CEP43: variants seen among roughly 807,000 people sequenced by gnomAD.
The protein encoded by CEP43 is centrosomal protein 43, also known as FGFR1 oncogene partner.
CEP43 carries 36 observed loss-of-function variants against 52.6 expected under a neutral mutation model. The observed-to-expected ratio is 0.68, with a 90% CI of 0.52 to 0.90. The LOEUF is 0.90. CEP43 is among the 40% of genes least tolerant of loss of function. The probability of loss-of-function intolerance (pLI) is 0.00; values close to 1 mark genes in which losing one functional copy is unlikely to be tolerated. For missense variants in CEP43, 506 were observed against 472.8 expected (o/e 1.07, Z -0.65); for synonymous variants, 192 against 172.4 (o/e 1.11, Z -0.89).
In CEP43 at chr6:167,048,223, A is replaced by C. The variant is rs1233423664; in HGVS notation, c.*8245A>C. The C allele has an allele frequency of 3.3e-5, 5 of 152,294 alleles. No individual in the cohort carries two copies. The highest frequency in any genetic ancestry group is 7.3e-5 in the Non-Finnish European group (5 of 68,044). 9.4% of individuals were successfully genotyped at this position (152,294 alleles called of 1,614,324 possible). On this transcript the variant is annotated 3_prime_UTR_variant, in exon 13 of 13. Coordinates refer to ENST00000366847, the MANE Select transcript of CEP43 (RefSeq NM_007045.4). Reference sequence around the variant, plus strand: ...GCCTGGGCAACATAGTAAGACCCCTATCTCTACAAAAAATATAAAAATTAG... The same window carrying C: ...GCCTGGGCAACATAGTAAGACCCCTCTCTCTACAAAAAATATAAAAATTAG...
Position 167,005,547 on chromosome 6 carries a change from C to G in CEP43, c.438+1146C>G, listed in dbSNP as rs557092724. Among the ~76,000 whole-genome samples, 4 of 152,190 alleles carry G rather than the reference C, an allele frequency of 2.6e-5. No individual in the cohort carries two copies. In the East Asian group the frequency reaches 5.8e-4, roughly 22 times the overall value. Reference sequence around the variant, plus strand: ...GCTTTCCGAGAAGTTGGAACGGTGCCAGCCAAGCGTGGGAGCAGGAGAGCA... The same window carrying G: ...GCTTTCCGAGAAGTTGGAACGGTGCGAGCCAAGCGTGGGAGCAGGAGAGCA... On this transcript the variant is annotated intron_variant, in intron 5 of 12. Coordinates refer to ENST00000366847, the MANE Select transcript of CEP43 (RefSeq NM_007045.4).
intron 5 of CEP43, 67 bp from the exon 6 acceptor site, chr6:167,010,746 G>A: frequency 1.5e-6 from 1 of 677,942 alleles, no homozygotes; most frequent in Non-Finnish European, 2.3e-6. Flanking sequence ...AAATTCTATT[G>A]GAGTGTAATT....
At chr6:167,034,783 C>T (rs1419465799) in intron 12 of CEP43, among the ~76,000 whole-genome samples, 1 of 152,186 alleles carries the variant, frequency 6.6e-6, no homozygotes, top group Admixed American at 6.5e-5. Flanking sequence ...CTTTGACTCT[C>T]AGTTTCTTTA....
intron 1 of CEP43, 105 bp downstream of exon 1, chr6:166,999,619 C>A: frequency 2.5e-6 from 2 of 812,320 alleles, no homozygotes; most frequent in Non-Finnish European, 3.5e-6. Flanking sequence ...GGCGAGGGAC[C>A]GGGGCCGGCG....
chr6:167,006,640 T>C (rs1365036316), intron 5 of CEP43, among the ~76,000 whole-genome samples: 1 of 152,276 alleles, frequency 6.6e-6, no homozygotes, highest in Non-Finnish European at 1.5e-5. Flanking sequence ...ACATAAGTTA[T>C]ATGCAAATAT....
rs1780776785 is a variant in CEP43, at chr6:167,045,334, C to T, written c.*5356C>T. The T allele has an allele frequency of 6.7e-6, 1 of 150,104 alleles. No individual in the cohort carries two copies. The highest frequency in any genetic ancestry group is 6.6e-5 in the Admixed American group (1 of 15,056). The allele number at this position is 150,104 out of a possible 1,614,324, so 9.3% of individuals were successfully genotyped here. ...GGCCAGGCTGGTCTTGAACTCCTGACCTATGGTGATCCGCACCCCTCCCCG... is the reference window on the plus strand; with the variant it reads ...GGCCAGGCTGGTCTTGAACTCCTGATCTATGGTGATCCGCACCCCTCCCCG... On this transcript the variant is annotated 3_prime_UTR_variant, in exon 13 of 13. Coordinates refer to ENST00000366847, the MANE Select transcript of CEP43 (RefSeq NM_007045.4).
In CEP43 at chr6:167,011,003, A is replaced by G. The variant is rs572576360; in HGVS notation, c.519+110A>G. 3 of 515,498 alleles carry G rather than the reference A, an allele frequency of 5.8e-6. No homozygotes were observed. The South Asian group carries it at 1.7e-4, about 29-fold the overall frequency. 31.9% of individuals were successfully genotyped at this position (515,498 alleles called of 1,614,324 possible). A position where few individuals can be genotyped will look rare whatever the true frequency, so the allele number is the denominator to read the frequency against. Reference sequence around the variant, plus strand: ...AAGTTGTATTGTTTTATATAAACACATGGGCTCTTTAGTTTCTTGAAGGTG... The same window carrying G: ...AAGTTGTATTGTTTTATATAAACACGTGGGCTCTTTAGTTTCTTGAAGGTG... On this transcript the variant is annotated intron_variant, in intron 6 of 12. Coordinates refer to ENST00000366847, the MANE Select transcript of CEP43 (RefSeq NM_007045.4).
intron 8 of CEP43, among the ~76,000 whole-genome samples, chr6:167,024,194 A>G (rs1190973572): frequency 6.6e-6 from 1 of 152,188 alleles, no homozygotes; most frequent in Non-Finnish European, 1.5e-5. Flanking sequence ...CACCTGTGCA[A>G]GCTGTCACCT....
intron 10 of CEP43, among the ~76,000 whole-genome samples, chr6:167,032,400 A>G (rs914765944): frequency 6.6e-6 from 1 of 152,226 alleles, no homozygotes. Context: ...ACCACATTTT[A>G]TAGTCACTTG....
chr6:167,027,627 G>T (rs2128665729), intron 10 of CEP43, among the ~76,000 whole-genome samples: 1 of 152,288 alleles, frequency 6.6e-6, no homozygotes, highest in Middle Eastern at 3.4e-3. Flanking sequence ...AAGAACTTGG[G>T]CTTGGAGTTG....
Position 167,033,955 on chromosome 6 carries a change from T to C in CEP43, c.1109T>C (p.Ile370Thr), listed in dbSNP as rs1780528489. 3 of 1,538,766 alleles carry C rather than the reference T, an allele frequency of 1.9e-6. No homozygotes were observed. In the African/African-American group the frequency reaches 4.1e-5, roughly 21 times the overall value. Reference sequence around the variant, plus strand: ...GACCTTTCTGTGGAAATAGATGACATCAATACCAGTGATAAGGTATGGTGT... The same window carrying C: ...GACCTTTCTGTGGAAATAGATGACACCAATACCAGTGATAAGGTATGGTGT... ...EEDLSVEIDD[I>T]NTSDKLDDLT... Residue 370 changes from isoleucine (I) to threonine (T), a missense_variant, in exon 12 of 13, where the codon ATC (isoleucine) becomes ACC (threonine). By Grantham distance (89) the Ile-to-Thr change is moderately conservative. Transcript: ENST00000366847.
intron 12 of CEP43, 52 bp from the exon 13 acceptor site, chr6:167,039,852 A>G: frequency 6.3e-7 from 1 of 1,596,940 alleles, no homozygotes; most frequent in South Asian, 1.1e-5. Flanking sequence ...AAATAACTTA[A>G]GACTACTCAC....
In CEP43 at chr6:167,022,636, G is replaced by A. The variant is rs1170610982; in HGVS notation, c.806+1G>A. The A allele has an allele frequency of 1.2e-6, 2 of 1,600,672 alleles. No individual in the cohort carries two copies. Among genetic ancestry groups the A allele is most frequent in the Non-Finnish European group, 1.7e-6 (2 of 1,168,320 alleles). On this transcript the variant is annotated splice_donor_variant, in intron 8 of 12. Transcript: ENST00000366847. LOFTEE classifies it high-confidence loss of function. ...CTAAGCCAGAGAAAACTTACGGTTTGTGAGTAAATGGTTTTTGAGCTATGA... is the reference window on the plus strand; with the variant it reads ...CTAAGCCAGAGAAAACTTACGGTTTATGAGTAAATGGTTTTTGAGCTATGA...
intron 12 of CEP43, chr6:167,036,600 CA>C (rs1780590334): frequency 1.0e-6 from 1 of 985,292 alleles, no homozygotes; most frequent in Non-Finnish European, 1.2e-6. Flanking sequence ...TAAAACTTTT[CA>C]AAATCTTACA....
chr6:167,022,714 A>T, intron 8 of CEP43, 79 bp downstream of exon 8: 1 of 927,620 alleles, frequency 1.1e-6, no homozygotes. Context: ...TTAAAAAATA[A>T]TGAACTATGG....
intron 12 of CEP43, chr6:167,035,964 G>T (rs549675056): frequency 2.9e-6 from 2 of 692,374 alleles, no homozygotes; most frequent in African/African-American, 3.9e-5. Flanking sequence ...ATATAGCTCA[G>T]TGCTTAGCAG....
Position 167,042,323 on chromosome 6 carries a change from C to CACTG in CEP43, c.*2345_*2346insACTG. The CACTG allele has an allele frequency of 1.1e-5, 11 of 986,078 alleles. No individual in the cohort carries two copies. The highest frequency in any genetic ancestry group is 1.2e-5 in the Non-Finnish European group (10 of 823,626). 61.1% of individuals were successfully genotyped at this position (986,078 alleles called of 1,614,324 possible). On this transcript the variant is annotated 3_prime_UTR_variant, in exon 13 of 13. Coordinates refer to ENST00000366847, the MANE Select transcript of CEP43 (RefSeq NM_007045.4). ...CCATTAAATACATTTTTATGGTAAC[C>CACTG]TATGTTTTACAGTGGAGTTTTAAAA...
At chr6:167,034,108 C>A in intron 12 of CEP43, 137 bp downstream of exon 12, 1 of 453,222 alleles carries the variant, frequency 2.2e-6, no homozygotes. Flanking sequence ...AGACCTGGCT[C>A]GAGTTTATAA....
At position 167,026,529 on chromosome 6, in the gene CEP43, A is replaced by G. The variant is rs780710798; in HGVS notation, c.920-18A>G. ...TATTCTAAGTCACTCTAATGTTAAT[A>G]TTTTCTCCTGTTCACAGGTAAAAGG... On this transcript the variant is annotated intron_variant, in intron 9 of 12. Coordinates refer to ENST00000366847, the MANE Select transcript of CEP43 (RefSeq NM_007045.4). 8 of 1,509,518 alleles carry G rather than the reference A, an allele frequency of 5.3e-6. No individual in the cohort carries two copies. Among genetic ancestry groups the G allele is most frequent in the East Asian group, 2.3e-5 (1 of 44,392 alleles). 93.5% of individuals were successfully genotyped at this position (1,509,518 alleles called of 1,614,324 possible). A position where few individuals can be genotyped will look rare whatever the true frequency, so the allele number is the denominator to read the frequency against.
Sources: allele counts gnomAD v4.1 joint callset (sites outside exome capture counted in the v4.1 genomes callset), GRCh38; gene constraint gnomAD v4.1.1; transcripts MANE v1.5; gene names NCBI Gene and HGNC (gene_info 2026-07-23, HGNC 2026-07-21).